Variants in APLP2 observed in about 807,000 individuals in gnomAD.
The protein encoded by APLP2 is CDEI box-binding protein.
A neutral mutation model predicts 89.9 loss-of-function variants in APLP2; 53 were observed. That is an observed-to-expected ratio of 0.59 (90% CI 0.47 to 0.74). APLP2 has a LOEUF of 0.74. Ranked by LOEUF, APLP2 falls within the 30% of genes least tolerant of loss-of-function variation. The pLI is 0.00. For synonymous variants in APLP2, 372 were observed against 348.6 expected (o/e 1.07, Z -0.75); for missense variants, 973 against 975.9 (o/e 1.00, Z 0.04).
rs932168167 is a variant in APLP2 at position 130,110,789 on chromosome 11, G to A, written c.403+128G>A. The A allele has an allele frequency of 3.5e-5, 44 of 1,255,510 alleles. No individual in the cohort carries two copies. In the African/African-American group the frequency reaches 6.4e-4, roughly 18 times the overall value. The allele number at this position is 1,255,510 out of a possible 1,614,324, so 77.8% of individuals were successfully genotyped here. A position where few individuals can be genotyped will look rare whatever the true frequency, so the allele number is the denominator to read the frequency against. ...GAGTGTGACATGAATTTATTGGGGA[G>A]GATTTCTCTTAGGGGTGTTTGCTGG... On this transcript the variant is annotated intron_variant, in intron 3 of 16. Coordinates refer to ENST00000338167, the MANE Select transcript of APLP2 (RefSeq NM_001142276.2).
intron 1 of APLP2, chr11:130,102,115 C>G (rs1432570669): frequency 6.2e-6 from 2 of 323,308 alleles, no homozygotes; most frequent in East Asian, 1.8e-4. Flanking sequence ...TTTTTCACTT[C>G]GTTCAGTTTA....
chr11:130,092,699 T>TG (rs1491117875), intron 1 of APLP2, among the ~76,000 whole-genome samples: 1 of 7,494 alleles, frequency 1.3e-4, no homozygotes, highest in Admixed American at 1.7e-3. Context: ...AGGGAGACCG[T>TG]GGGGGGAGGG....
At chr11:130,107,504 C>A (rs1048784655) in intron 1 of APLP2, among the ~76,000 whole-genome samples, 3 of 152,172 alleles carry the variant, frequency 2.0e-5, no homozygotes, top group Non-Finnish European at 2.9e-5. Context: ...ATCCAACTTA[C>A]AAGGGATGTG....
intron 1 of APLP2, among the ~76,000 whole-genome samples, chr11:130,107,499 A>G (rs1423102137): frequency 1.3e-5 from 2 of 152,216 alleles, no homozygotes; most frequent in Non-Finnish European, 2.9e-5. Flanking sequence ...TGGGAATCCA[A>G]CTTACAAGGG....
chr11:130,135,316 T>G (rs1951440526), intron 12 of APLP2, among the ~76,000 whole-genome samples: 1 of 152,206 alleles, frequency 6.6e-6, no homozygotes, highest in African/African-American at 2.4e-5. Context: ...TGTACAATTT[T>G]TTAAACCCCC....
intron 1 of APLP2, among the ~76,000 whole-genome samples, chr11:130,092,315 G>A (rs1278909232): frequency 6.3e-5 from 8 of 127,082 alleles, no homozygotes; most frequent in African/African-American, 1.0e-4. Flanking sequence ...CTTCCCAGAC[G>A]GGGTGGCGGC....
intron 1 of APLP2, among the ~76,000 whole-genome samples, chr11:130,093,594 G>A (rs753045093): frequency 9.2e-5 from 14 of 152,200 alleles, no homozygotes; most frequent in Non-Finnish European, 1.8e-4. Context: ...ATTTCAGAAA[G>A]AGAATAGCAG....
intron 12 of APLP2, among the ~76,000 whole-genome samples, chr11:130,135,290 T>C (rs1384564363): frequency 6.6e-6 from 1 of 152,214 alleles, no homozygotes; most frequent in Non-Finnish European, 1.5e-5. Flanking sequence ...AAGCATTATA[T>C]TTTAGACCTT....
At chr11:130,109,926 C>G (rs1424593600) in intron 2 of APLP2, 3 of 251,970 alleles carry the variant, frequency 1.2e-5, no homozygotes, top group Non-Finnish European at 2.2e-5. Context: ...TGACAGAAAG[C>G]CACCAGTATT....
intron 1 of APLP2, among the ~76,000 whole-genome samples, chr11:130,103,842 G>C (rs1947273562): frequency 6.6e-6 from 1 of 152,164 alleles, no homozygotes; most frequent in Non-Finnish European, 1.5e-5. Context: ...TTGTTTAGTA[G>C]CTGTCTTTAA....
intron 1 of APLP2, among the ~76,000 whole-genome samples, chr11:130,077,617 A>AC (rs1942359368): frequency 6.6e-6 from 1 of 152,038 alleles, no homozygotes; most frequent in South Asian, 2.1e-4. Flanking sequence ...AGCCTTAAAA[A>AC]AAAAAACAAA....
chr11:130,114,324 C>T (rs1392405635), intron 3 of APLP2: 1 of 152,152 alleles, frequency 6.6e-6, no homozygotes, highest in Non-Finnish European at 1.5e-5. Context: ...GATACTGCCA[C>T]TGCACAAAGC....
chr11:130,104,007 G>T (rs966528461), intron 1 of APLP2, among the ~76,000 whole-genome samples: 1 of 152,010 alleles, frequency 6.6e-6, no homozygotes, highest in Non-Finnish European at 1.5e-5. Context: ...TGTCTTCTTG[G>T]ATTTTCTTCA....
chr11:130,139,607 T>C (rs1952096393), intron 13 of APLP2: 1 of 152,284 alleles, frequency 6.6e-6, no homozygotes, highest in Non-Finnish European at 1.5e-5. Flanking sequence ...GATACTATCC[T>C]TCGGAGCGCC....
Position 130,069,912 on chromosome 11 carries a change from G to A in APLP2, c.-66G>A. 1.6e-6 allele frequency: 2 copies of A among 1,236,110 alleles called. No individual in the cohort carries two copies. The highest frequency in any genetic ancestry group is 2.2e-6 in the Non-Finnish European group (2 of 897,336). The allele number at this position is 1,236,110 out of a possible 1,614,324, so 76.6% of individuals were successfully genotyped here. A position where few individuals can be genotyped will look rare whatever the true frequency, so the allele number is the denominator to read the frequency against. On this transcript the variant is annotated 5_prime_UTR_variant, in exon 1 of 17. In the 5' UTR this introduces an upstream ATG that the reference lacks. Coordinates refer to ENST00000338167, the MANE Select transcript of APLP2 (RefSeq NM_001142276.2). ...TGGCTTTAGATGCTTCTGGGTCGCG[G>A]TGTGCTAAGCGAGGAGTCCGAGTGT...
chr11:130,121,525 A>C (rs955029240), intron 4 of APLP2, 89 bp from the exon 5 acceptor site: 21 of 1,395,522 alleles, frequency 1.5e-5, no homozygotes, highest in Non-Finnish European at 1.8e-5. Flanking sequence ...TGATTTGATA[A>C]GGGTTTATTT....
At position 130,121,621 on chromosome 11, in the gene APLP2, T is replaced by G. The variant is rs781481027; in HGVS notation, c.524T>G (p.Leu175Arg). ...HWHTVVKEACLTQGMTLYSYG... is the reference protein window; with the variant it reads ...HWHTVVKEACRTQGMTLYSYG... The stretch of plus-strand genomic sequence containing the variant: ...CCTGTGGGTTTCTTTTAGGCATGTC[T>G]GACTCAGGGAATGACCTTATATAGC... Residue 175 changes from leucine (L) to arginine (R), a missense_variant, in exon 5 of 17, where the codon CTG becomes CGG. Leu to Arg is a moderately radical substitution (Grantham distance 102). Transcript: ENST00000338167. 9 of 1,612,892 alleles carry G rather than the reference T, an allele frequency of 5.6e-6. No homozygotes were observed. In the South Asian group the frequency reaches 7.7e-5, roughly 14 times the overall value.
chr11:130,073,525 T>C (rs1565543841), intron 1 of APLP2, among the ~76,000 whole-genome samples: 1 of 152,246 alleles, frequency 6.6e-6, no homozygotes, highest in Non-Finnish European at 1.5e-5. Flanking sequence ...TTAAACTTTT[T>C]CAATTAAAAA....
At chr11:130,082,945 C>T (rs563111859) in intron 1 of APLP2, among the ~76,000 whole-genome samples, 1 of 151,048 alleles carries the variant, frequency 6.6e-6, no homozygotes, top group Middle Eastern at 3.5e-3. Flanking sequence ...CTAAATTGAA[C>T]AGCCTAAAGT....
Sources: gnomAD v4.1 joint callset for allele counts (sites outside exome capture counted in the v4.1 genomes callset) on GRCh38, gnomAD v4.1.1 for gene constraint, MANE v1.5 for transcripts, NCBI Gene and HGNC (gene_info 2026-07-23, HGNC 2026-07-21) for gene names.